Variants in PLCG2 observed in about 807,000 individuals in gnomAD.
PLCG2 encodes phospholipase C gamma 2.
Under a neutral mutation model 175.6 loss-of-function variants are expected in PLCG2, and 69 were observed. The ratio of observed to expected loss-of-function variants is 0.39; its 90% confidence interval spans 0.32 to 0.48. The LOEUF (loss-of-function observed/expected upper bound fraction) is 0.48, where lower values mean the gene tolerates loss of function less well. PLCG2 is among the 20% of genes least tolerant of loss of function. The pLI is 0.91. For synonymous variants in PLCG2, 827 were observed against 624.0 expected (o/e 1.33, Z -4.85); for missense variants, 1,798 against 1,650.9 (o/e 1.09, Z -1.54).
Position 81,740,379 on chromosome 16 carries a change from G to C in PLCG2, c.-145+994G>C, listed in dbSNP as rs183890079. On this transcript the variant is annotated intron_variant, in intron 1 of 5. Coordinates refer to the PLCG2 transcript ENST00000565054. ...TGCTTCGACCAGTCACAGGGTCAAG[G>C]GTGAGCACGTGACCCCAGCAAATGA... 11 of 152,284 alleles carry C rather than the reference G, an allele frequency of 7.2e-5. No individual in the cohort carries two copies. In the East Asian group the frequency reaches 1.2e-3, roughly 16 times the overall value. The allele number at this position is 152,284 out of a possible 1,614,324, so 9.4% of individuals were successfully genotyped here.
intron 28 of PLCG2, 82 bp from the exon 29 acceptor site, chr16:81,938,719 C>G: frequency 1.3e-6 from 1 of 782,754 alleles, no homozygotes; most frequent in Non-Finnish European, 2.2e-6. Flanking sequence ...TCCAGTGTCA[C>G]TCTAGAACCC....
intron 2 of PLCG2, among the ~76,000 whole-genome samples, chr16:81,828,618 C>A (rs1460650379): frequency 6.6e-6 from 1 of 152,046 alleles, no homozygotes; most frequent in East Asian, 1.9e-4. Flanking sequence ...ATCAGCGAGT[C>A]CTTGCGGGTC....
chr16:81,960,209 G>A lies in PLCG2; in HGVS notation c.*2211G>A, dbSNP rs1911731250. ...GTAACACGTTAATCTGGTTCTTGGT[G>A]GTGTTAGGGACTGATTCTCTCAGGA... is the stretch of plus-strand genomic sequence containing the variant. On this transcript the variant is annotated 3_prime_UTR_variant, in exon 33 of 33. Transcript: ENST00000564138. 4.5e-6 allele frequency: 1 copy of A among 220,692 alleles called. No homozygotes were observed. The highest frequency in any genetic ancestry group is 9.1e-6 in the Non-Finnish European group (1 of 110,108). The allele number at this position is 220,692 out of a possible 1,614,324, so 13.7% of individuals were successfully genotyped here. A position where few individuals can be genotyped will look rare whatever the true frequency, so the allele number is the denominator to read the frequency against.
intron 2 of PLCG2, among the ~76,000 whole-genome samples, chr16:81,821,711 A>G (rs1904807135): frequency 6.6e-6 from 1 of 152,182 alleles, no homozygotes; most frequent in African/African-American, 2.4e-5. Context: ...AGATCAGTGG[A>G]GCGCAGAGCC....
chr16:81,785,719 G>A (rs767973806), intron 1 of PLCG2: 1 of 331,368 alleles, frequency 3.0e-6, no homozygotes, highest in Non-Finnish European at 5.6e-6. Context: ...CGTAACGGTT[G>A]GGTCCTTGAG....
At chr16:81,932,591 C>G (rs1910547049) in intron 25 of PLCG2, among the ~76,000 whole-genome samples, 1 of 152,216 alleles carries the variant, frequency 6.6e-6, no homozygotes, top group African/African-American at 2.4e-5. Context: ...AAGATAGTCA[C>G]CCACCAGTGG....
intron 2 of PLCG2, among the ~76,000 whole-genome samples, chr16:81,806,220 C>T (rs1349756148): frequency 6.6e-6 from 1 of 151,942 alleles, no homozygotes; most frequent in East Asian, 1.9e-4. Flanking sequence ...TTGGATAGCA[C>T]AGATCTAGAT....
chr16:81,842,300 G>T (rs577632336), intron 2 of PLCG2, among the ~76,000 whole-genome samples: 148 of 152,322 alleles, frequency 9.7e-4, no homozygotes, highest in Non-Finnish European at 1.8e-3. Flanking sequence ...AGGAGCCCCA[G>T]TGTGGACTCT....
intron 2 of PLCG2, among the ~76,000 whole-genome samples, chr16:81,828,225 G>T (rs1368757207): frequency 2.1e-5 from 3 of 143,150 alleles, no homozygotes; most frequent in African/African-American, 5.1e-5. Context: ...CCAGACTGTT[G>T]AGAAATGTCA....
At chr16:81,779,644 G>C (rs527282614) in intron 1 of PLCG2, among the ~76,000 whole-genome samples, 16 of 152,226 alleles carry the variant, frequency 1.1e-4, no homozygotes, top group African/African-American at 3.8e-4. Flanking sequence ...TCCTCACCCC[G>C]GGCCGGCGCC....
Position 81,961,513 on chromosome 16 carries a change from G to C in PLCG2, c.*3515G>C. The C allele has an allele frequency of 4.5e-6, 1 of 221,274 alleles. No homozygotes were observed. The allele number at this position is 221,274 out of a possible 1,614,324, so 13.7% of individuals were successfully genotyped here. On this transcript the variant is annotated 3_prime_UTR_variant, in exon 33 of 33. Transcript: ENST00000564138. ...TATAGGATACTATATAATACTTTTGGTACAGAGATAGAATTAAATAACATA... is the reference window on the plus strand; with the variant it reads ...TATAGGATACTATATAATACTTTTGCTACAGAGATAGAATTAAATAACATA...
intron 7 of PLCG2, among the ~76,000 whole-genome samples, chr16:81,874,286 T>A (rs1030016723): frequency 6.6e-5 from 10 of 152,222 alleles, no homozygotes; most frequent in African/African-American, 2.2e-4. Context: ...CCCAGCCCCA[T>A]ACAGCTCTGT....
intron 11 of PLCG2, 68 bp from the exon 12 acceptor site, chr16:81,893,641 G>A (rs1295508338): frequency 1.1e-6 from 1 of 902,734 alleles, no homozygotes; most frequent in Non-Finnish European, 1.8e-6. Flanking sequence ...AACACCCTGA[G>A]GTGCAGGCTT....
intron 9 of PLCG2, among the ~76,000 whole-genome samples, chr16:81,888,550 T>G (rs1908483226): frequency 6.6e-6 from 1 of 152,204 alleles, no homozygotes; most frequent in Admixed American, 6.5e-5. Flanking sequence ...TAATAAGATT[T>G]TATACAATGC....
chr16:81,893,449 T>C (rs979428142), intron 11 of PLCG2, among the ~76,000 whole-genome samples: 4 of 152,206 alleles, frequency 2.6e-5, no homozygotes, highest in Admixed American at 6.5e-5. Context: ...AAAGAACACG[T>C]CCTCTCCACG....
intron 8 of PLCG2, among the ~76,000 whole-genome samples, chr16:81,882,227 C>G (rs11150422): frequency 0.24 from 36,320 of 152,210 alleles, 4,461 homozygotes; most frequent in Non-Finnish European, 0.27. Flanking sequence ...GTGGCTCGTG[C>G]TGGCCCAGTG....
chr16:81,880,673 T>C (rs1051434159), intron 7 of PLCG2, among the ~76,000 whole-genome samples: 1 of 152,192 alleles, frequency 6.6e-6, no homozygotes, highest in Non-Finnish European at 1.5e-5. Flanking sequence ...ATGAAATGCT[T>C]AAGGGTGACT....
intron 7 of PLCG2, among the ~76,000 whole-genome samples, chr16:81,880,563 C>G (rs918017743): frequency 2.1e-5 from 3 of 139,962 alleles, no homozygotes; most frequent in Admixed American, 1.4e-4. Flanking sequence ...ATATGTAAAG[C>G]TTGAAACACA....
intron 2 of PLCG2, among the ~76,000 whole-genome samples, chr16:81,815,424 G>T (rs998783832): frequency 6.6e-6 from 1 of 152,188 alleles, no homozygotes; most frequent in Non-Finnish European, 1.5e-5. Context: ...CAGGGACCCT[G>T]TCTTTCCAGC....
Sources: allele counts gnomAD v4.1 joint callset (sites outside exome capture counted in the v4.1 genomes callset), GRCh38; gene constraint gnomAD v4.1.1; transcripts MANE v1.5; gene names NCBI Gene and HGNC (gene_info 2026-07-23, HGNC 2026-07-21).